The following ZNF536 variants were observed in gnomAD, a reference collection of about 807,000 sequenced individuals.
ZNF536 encodes the protein zinc finger protein 536.
Under a neutral mutation model 84.5 loss-of-function variants are expected in ZNF536, and 13 were observed. The observed-to-expected ratio is 0.15, with a 90% confidence interval of 0.10 to 0.24. The LOEUF (loss-of-function observed/expected upper bound fraction) is 0.24. Among genes scored for constraint, ZNF536 ranks in the 10% least tolerant of loss-of-function variants. The pLI is 1.00. For missense variants in ZNF536, 1,536 were observed against 1,747.5 expected, an observed-to-expected ratio of 0.88 and a Z score of 2.16; for synonymous variants, 811 against 742.5, an observed-to-expected ratio of 1.09 and a Z score of -1.50.
intron 4 of ZNF536, chr19:30,556,237 C>T (rs1343449708): frequency 7.9e-5 from 12 of 152,286 alleles, no homozygotes; most frequent in Non-Finnish European, 1.6e-4. Context: ...GCCTTGAAGT[C>T]CAAGGGCAGA....
chr19:30,287,657 GAT>G (rs1402667132), intron 2 of ZNF536, among the ~76,000 whole-genome samples: 3,673 of 102,706 alleles, frequency 0.036, 347 homozygotes, highest in African/African-American at 0.14. Context: ...TGGGTGGGTG[GAT>G]GGATGGGTGG....
chr19:30,232,051 C>T (rs971485585), intron 1 of ZNF536, among the ~76,000 whole-genome samples: 1 of 151,226 alleles, frequency 6.6e-6, no homozygotes, highest in Non-Finnish European at 1.5e-5. Context: ...TTCTGAAATC[C>T]CCCTCACTTT....
chr19:30,568,040 CAT>C (rs2046414838), intron 1 of ZNF536, among the ~76,000 whole-genome samples: 1 of 152,142 alleles, frequency 6.6e-6, no homozygotes, highest in Non-Finnish European at 1.5e-5. Context: ...TAATTAAAAA[CAT>C]ATGGTGCCTG....
chr19:30,376,011 GATGAGTGTGTGA>G (rs1276352894), intron 1 of ZNF536, among the ~76,000 whole-genome samples: 1 of 152,174 alleles, frequency 6.6e-6, no homozygotes, highest in African/African-American at 2.4e-5. Context: ...CTGCATGGGT[GATGAGTGTGTGA>G]ATGAGTGTGC....
chr19:30,294,557 G>A (rs879761525), intron 2 of ZNF536, among the ~76,000 whole-genome samples: 1,080 of 92,046 alleles, frequency 0.012, 11 homozygotes, highest in African/African-American at 0.053. Context: ...ATATGTGTGT[G>A]TGTGTGTGTG....
chr19:30,226,282 C>T (rs1381497177), upstream of ZNF536, among the ~76,000 whole-genome samples: 1 of 152,182 alleles, frequency 6.6e-6, no homozygotes, highest in African/African-American at 2.4e-5. The surrounding 1 kb of genome is among the most constrained non-coding windows in gnomAD (Gnocchi z 4.6). Context: ...GCTCAAGTGA[C>T]TTTCCCCATT....
At chr19:30,632,656 AAC>A (rs1184552265) in intron 1 of ZNF536, among the ~76,000 whole-genome samples, 1 of 1,160 alleles carries the variant, frequency 8.6e-4, no homozygotes, top group African/African-American at 1.5e-3. Context: ...CCAACAAACC[AAC>A]CAACCAACCA....
At chr19:30,446,786 C>T (rs1600768311) in intron 2 of ZNF536, among the ~76,000 whole-genome samples, 1 of 149,696 alleles carries the variant, frequency 6.7e-6, no homozygotes, top group African/African-American at 2.5e-5. Flanking sequence ...TATGAAGCTT[C>T]CTGGCCCAGT....
At position 30,379,673 on chromosome 19, in the gene ZNF536, C is replaced by G. The variant is rs149072540; in HGVS notation, c.-3+7117C>G. On this transcript the variant is annotated intron_variant, in intron 1 of 4. Transcript: ENST00000355537. ...AGTGGGTATGCGGTGGGAGGTGGGA[C>G]GATGCCCAAGTAGGCTGCTCAGGGG... 1.7e-3 allele frequency among the ~76,000 whole-genome samples: 261 copies of G among 151,256 alleles called. 1 individual carries two copies. Among genetic ancestry groups the G allele is most frequent in the African/African-American group, 6.0e-3 (247 of 41,210 alleles).
intron 1 of ZNF536, among the ~76,000 whole-genome samples, chr19:30,433,622 C>A (rs112358291): frequency 6.6e-6 from 1 of 152,112 alleles, no homozygotes; most frequent in East Asian, 1.9e-4. Context: ...TTCAGCCTCC[C>A]GAGTAGCTGG....
chr19:30,244,983 T>C (rs547573450), intron 1 of ZNF536, among the ~76,000 whole-genome samples: 3 of 152,248 alleles, frequency 2.0e-5, no homozygotes, highest in African/African-American at 7.2e-5. Context: ...CAGGCTTAAG[T>C]CAATGGATGG....
intron 1 of ZNF536, among the ~76,000 whole-genome samples, chr19:30,617,362 T>TTTTTTTTTTTA (rs1568607054): frequency 1.8e-5 from 2 of 112,180 alleles, no homozygotes; most frequent in East Asian, 5.4e-4. Flanking sequence ...TTTTTTTTTT[T>TTTTTTTTTTTA]TTTTATGAGA....
intron 2 of ZNF536, among the ~76,000 whole-genome samples, chr19:30,522,412 T>G (rs2044399032): frequency 6.6e-6 from 1 of 151,262 alleles, no homozygotes; most frequent in South Asian, 2.1e-4. Context: ...ATCTGATATG[T>G]TCTCAAATGA....
chr19:30,566,008 C>T (rs2046334564), intron 1 of ZNF536, among the ~76,000 whole-genome samples: 1 of 152,100 alleles, frequency 6.6e-6, no homozygotes, highest in Non-Finnish European at 1.5e-5. Flanking sequence ...CACCAACAAA[C>T]AGAAAAAAAC....
intron 1 of ZNF536, among the ~76,000 whole-genome samples, chr19:30,406,415 T>A (rs2050263659): frequency 6.6e-6 from 1 of 152,100 alleles, no homozygotes; most frequent in African/African-American, 2.4e-5. Context: ...AGGTGTTTTC[T>A]TTGAAATCCA....
intron 2 of ZNF536, among the ~76,000 whole-genome samples, chr19:30,484,372 AC>A (rs1366319241): frequency 7.0e-6 from 1 of 143,094 alleles, no homozygotes; most frequent in Non-Finnish European, 1.5e-5. Flanking sequence ...GATTACAGGC[AC>A]CCACCGTCAT....
At chr19:30,239,691 T>C (rs2023797307) in intron 1 of ZNF536, among the ~76,000 whole-genome samples, 1 of 152,182 alleles carries the variant, frequency 6.6e-6, no homozygotes, top group South Asian at 2.1e-4. Context: ...GAAGCCAACA[T>C]CCCATCCTCT....
intron 1 of ZNF536, among the ~76,000 whole-genome samples, chr19:30,649,549 C>CTTTTTTTTT (rs35137042): frequency 8.1e-6 from 1 of 123,882 alleles, no homozygotes. Flanking sequence ...CAGCATTTTC[C>CTTTTTTTTT]TTTTTTTTTT....
At chr19:30,355,476 C>T (rs1348845532) in intron 3 of ZNF536, among the ~76,000 whole-genome samples, 3 of 152,134 alleles carry the variant, frequency 2.0e-5, no homozygotes, top group African/African-American at 7.2e-5. Flanking sequence ...CAACCTCGAC[C>T]TCCTGGGCTC....
Sources: allele counts gnomAD v4.1 joint callset (sites outside exome capture counted in the v4.1 genomes callset), GRCh38; gene constraint gnomAD v4.1.1; non-coding constraint Gnocchi (gnomAD v3.1); transcripts MANE v1.5; gene names NCBI Gene and HGNC (gene_info 2026-07-23, HGNC 2026-07-21).